The following NBEAL1 variants were observed in gnomAD, a reference collection of about 807,000 sequenced individuals.
NBEAL1 encodes the protein neurobeachin like 1.
NBEAL1 carries 273 observed loss-of-function variants against 351.3 expected under a neutral mutation model. The ratio of observed to expected loss-of-function variants is 0.78; its 90% CI spans 0.70 to 0.86. The LOEUF (loss-of-function observed/expected upper bound fraction) is 0.86, where lower values mean the gene tolerates loss of function less well. Among genes scored for constraint, NBEAL1 ranks in the 40% least tolerant of loss-of-function variants. The probability of loss-of-function intolerance (pLI) is 0.00; values close to 1 mark genes in which losing one functional copy is unlikely to be tolerated. For synonymous variants in NBEAL1, 1,050 were observed against 1,086.4 expected (o/e 0.97, Z 0.66); for missense variants, 2,961 against 3,201.3 (o/e 0.92, Z 1.81).
At position 203,135,886 on chromosome 2, in the gene NBEAL1, T is replaced by G. The variant is rs2063190633; in HGVS notation, c.4023T>G (p.Asp1341Glu). 6.2e-7 allele frequency: 1 copy of G among 1,614,066 alleles called. No homozygotes were observed. The highest frequency in any genetic ancestry group is 8.5e-7 in the Non-Finnish European group (1 of 1,179,966). ...AGAAGAACTCTGATGAAAAAACAGA[T>G]GAGGAAAAAATCACCTCTTTTGCCT... Reference protein sequence around the residue: ...DTKKNSDEKTDEEKITSFASA... With the variant: ...DTKKNSDEKTEEEKITSFASA... The change falls in exon 28 of 56, where the codon GAT (aspartate) becomes GAG (glutamate). Residue 1341 changes from aspartate (D) to glutamate (E), a missense_variant. Asp to Glu is a conservative substitution (Grantham distance 45, BLOSUM62 2). Coordinates refer to ENST00000683969, the MANE Select transcript of NBEAL1 (RefSeq NM_001378026.1).
At chr2:203,076,496 A>C (rs1199373206) in intron 7 of NBEAL1, among the ~76,000 whole-genome samples, 13 of 151,356 alleles carry the variant, frequency 8.6e-5, no homozygotes, top group East Asian at 1.9e-4. Flanking sequence ...CAAACAAACA[A>C]AAAAAAAAGT....
intron 12 of NBEAL1, 81 bp downstream of exon 12, chr2:203,099,793 T>C (rs1302633872): frequency 1.1e-6 from 1 of 902,024 alleles, no homozygotes; most frequent in Non-Finnish European, 1.7e-6. Flanking sequence ...GTTTGTTATA[T>C]AGGTAAATTG....
intron 10 of NBEAL1, among the ~76,000 whole-genome samples, chr2:203,087,327 G>A (rs752906091): frequency 5.3e-5 from 8 of 151,800 alleles, no homozygotes; most frequent in African/African-American, 1.2e-4. Flanking sequence ...TCCAGACCTC[G>A]TGATTCACCT....
chr2:203,044,181 G>C (rs1046633417), intron 3 of NBEAL1, among the ~76,000 whole-genome samples: 2 of 152,140 alleles, frequency 1.3e-5, no homozygotes, highest in African/African-American at 4.8e-5. Context: ...AAAAAGACTA[G>C]TACTTCGTTA....
At chr2:203,202,944 T>G (rs2065442567) in intron 51 of NBEAL1, among the ~76,000 whole-genome samples, 163 bp downstream of exon 51, 1 of 152,220 alleles carries the variant, frequency 6.6e-6, no homozygotes, top group Non-Finnish European at 1.5e-5. Context: ...CATTTTTTCC[T>G]AGGTTTACTG....
chr2:203,069,109 T>C (rs2061639503), intron 7 of NBEAL1, among the ~76,000 whole-genome samples: 1 of 152,184 alleles, frequency 6.6e-6, no homozygotes, highest in Non-Finnish European at 1.5e-5. Context: ...ATATGTGACT[T>C]ATATATGCCA....
chr2:203,165,928 A>G (rs570751151), intron 36 of NBEAL1, among the ~76,000 whole-genome samples: 23 of 152,254 alleles, frequency 1.5e-4, no homozygotes, highest in Non-Finnish European at 3.1e-4. Context: ...CTGTATTCCC[A>G]GCTACTTGGG....
In NBEAL1 at chr2:203,135,651, ATTTTGTATTCTAAATCT is replaced by A; in HGVS notation, c.3814-21_3814-5del. 1 of 1,423,292 alleles carries A rather than the reference ATTTTGTATTCTAAATCT, an allele frequency of 7.0e-7. No homozygotes were observed. The highest frequency in any genetic ancestry group is 9.3e-7 in the Non-Finnish European group (1 of 1,072,452). The allele number at this position is 1,423,292 out of a possible 1,614,324, so 88.2% of individuals were successfully genotyped here. A position where few individuals can be genotyped will look rare whatever the true frequency, so the allele number is the denominator to read the frequency against. On this transcript the variant is annotated splice_polypyrimidine_tract_variant and intron_variant, in intron 27 of 55. Coordinates refer to ENST00000683969, the MANE Select transcript of NBEAL1 (RefSeq NM_001378026.1). ...TAAAGTACTATGTACTTTTTGAAGAATTTTGTATTCTAAATCTTTTTACAGGTTTTGCAAATTTTGCA... is the reference window on the plus strand; with the variant it reads ...TAAAGTACTATGTACTTTTTGAAGAATTTTACAGGTTTTGCAAATTTTGCA...
chr2:203,224,772 G>A lies in NBEAL1; in HGVS notation c.*7418G>A, dbSNP rs1177146001. On this transcript the variant is annotated 3_prime_UTR_variant, in exon 56 of 56. Coordinates refer to ENST00000683969, the MANE Select transcript of NBEAL1 (RefSeq NM_001378026.1). ...CCTTATTTATATCTAATTATTGACT[G>A]TGCAAACTGTGACTCAGTGGATATT... Among the ~76,000 whole-genome samples the A allele has an allele frequency of 1.3e-5, 2 of 152,128 alleles. No homozygotes were observed. The highest frequency in any genetic ancestry group is 6.6e-5 in the Admixed American group (1 of 15,266).
chr2:203,103,538 C>T (rs1034310983), intron 12 of NBEAL1, among the ~76,000 whole-genome samples: 2 of 152,196 alleles, frequency 1.3e-5, no homozygotes, highest in African/African-American at 4.8e-5. Context: ...TCCCAAAGTG[C>T]TGGGATCACA....
In NBEAL1 at chr2:203,201,707, G is replaced by A. The variant is rs746280016; in HGVS notation, c.7403G>A (p.Arg2468Gln). The A allele has an allele frequency of 2.5e-5, 40 of 1,589,830 alleles. No homozygotes were observed. In the Admixed American group the frequency reaches 4.6e-4, roughly 18 times the overall value. The change falls in exon 50 of 56, where the codon CGG becomes CAG. Residue 2468 changes from arginine (R) to glutamine (Q), a missense_variant. Transcript: ENST00000683969. The part of the protein sequence containing the change: ...TKGKIISHII[R>Q]HMDIVTCLAT... ...GGCAAAATTATCTCACACATCATCC[G>A]GCATATGGGTAAGCATTAGCTTTTT...
Position 203,016,440 on chromosome 2 carries a change from T to C in NBEAL1, c.51+5T>C. Reference sequence around the variant, plus strand: ...TGGATGCTTTATTGTACAAAGGTAATTGCTTTCCTTTTTATTTTTATGTTT... The same window carrying C: ...TGGATGCTTTATTGTACAAAGGTAACTGCTTTCCTTTTTATTTTTATGTTT... On this transcript the variant is annotated splice_donor_5th_base_variant and intron_variant, in intron 2 of 55. Coordinates refer to ENST00000683969, the MANE Select transcript of NBEAL1 (RefSeq NM_001378026.1). 7.0e-7 allele frequency: 1 copy of C among 1,431,958 alleles called. No individual in the cohort carries two copies. The allele number at this position is 1,431,958 out of a possible 1,614,324, so 88.7% of individuals were successfully genotyped here. A position where few individuals can be genotyped will look rare whatever the true frequency, so the allele number is the denominator to read the frequency against.
chr2:203,147,246 C>T (rs1461697817), intron 33 of NBEAL1, among the ~76,000 whole-genome samples: 2 of 151,992 alleles, frequency 1.3e-5, no homozygotes, highest in Admixed American at 1.3e-4. Flanking sequence ...TAACATGATT[C>T]TCTGTGTAGG....
chr2:203,027,996 G>A (rs1424170166), intron 2 of NBEAL1, among the ~76,000 whole-genome samples: 1 of 151,946 alleles, frequency 6.6e-6, no homozygotes, highest in Non-Finnish European at 1.5e-5. Flanking sequence ...CAATTCTCCT[G>A]CCTCAGCCTC....
Position 203,113,108 on chromosome 2 carries a change from A to G in NBEAL1, c.2296A>G (p.Thr766Ala). Reference sequence around the variant, plus strand: ...AGATCCACCTTTCTCTTCTCCCATTACCCCTCATCGGACATCATTTGGTGG... The same window carrying G: ...AGATCCACCTTTCTCTTCTCCCATTGCCCCTCATCGGACATCATTTGGTGG... ...IPDPPFSSPITPHRTSFGGIL... is the reference protein window; with the variant it reads ...IPDPPFSSPIAPHRTSFGGIL... The change falls in exon 17 of 56, where the codon ACC becomes GCC. Residue 766 changes from threonine (T) to alanine (A), a missense_variant. Physicochemically the swap from Thr to Ala is moderately conservative, Grantham distance 58. Transcript: ENST00000683969. The G allele has an allele frequency of 6.4e-7, 1 of 1,552,122 alleles. No individual in the cohort carries two copies. The highest frequency in any genetic ancestry group is 1.4e-5 in the African/African-American group (1 of 73,354).
chr2:203,208,501 T>C, intron 51 of NBEAL1, 136 bp from the exon 52 acceptor site: 2 of 606,820 alleles, frequency 3.3e-6, no homozygotes, highest in East Asian at 3.2e-5. Context: ...GAATGAGTAC[T>C]ATTATGAATA....
rs58854997 is a variant in NBEAL1 at position 203,212,023 on chromosome 2, A to C, written c.7934+917A>C. Among the ~76,000 whole-genome samples the C allele has an allele frequency of 9.3e-3, 1,416 of 152,018 alleles. 18 individuals are homozygous for C. The highest frequency in any genetic ancestry group is 0.032 in the African/African-American group (1,332 of 41,456). On this transcript the variant is annotated intron_variant, in intron 54 of 55. Coordinates refer to ENST00000683969, the MANE Select transcript of NBEAL1 (RefSeq NM_001378026.1). ...TGCCTCACCCTCCACGTCAGCTGGG[A>C]ATATAGGTGCGTGCCATCGTGCCCA...
intron 4 of NBEAL1, chr2:203,050,306 T>A (rs2061305040): frequency 6.3e-6 from 1 of 158,506 alleles, no homozygotes; most frequent in Non-Finnish European, 1.4e-5. Context: ...AAATAATAAT[T>A]AATTTTGTTT....
chr2:203,160,698 T>TAG (rs1033173904), intron 36 of NBEAL1, among the ~76,000 whole-genome samples: 10 of 152,234 alleles, frequency 6.6e-5, no homozygotes, highest in Admixed American at 1.3e-4. Context: ...TTATGGTTGT[T>TAG]ACTGTTGTGA....
Sources: gnomAD v4.1 joint callset for allele counts (sites outside exome capture counted in the v4.1 genomes callset) on GRCh38, gnomAD v4.1.1 for gene constraint, MANE v1.5 for transcripts, NCBI Gene and HGNC (gene_info 2026-07-23, HGNC 2026-07-21) for gene names.